Variants in KCNH5 observed in about 807,000 individuals in gnomAD.
KCNH5 encodes the protein voltage-gated delayed rectifier potassium channel KCNH5.
A neutral mutation model predicts 96.1 loss-of-function variants in KCNH5; 46 were observed. The observed-to-expected ratio is 0.48, with a 90% CI of 0.38 to 0.61. The LOEUF (loss-of-function observed/expected upper bound fraction) is 0.61, where lower values mean the gene tolerates loss of function less well. KCNH5 is among the 20% of genes least tolerant of loss of function. The pLI is 0.00. For missense variants in KCNH5, 907 were observed against 1,225.8 expected, an observed-to-expected ratio of 0.74 and a Z score of 3.88; for synonymous variants, 439 against 449.8, an observed-to-expected ratio of 0.98 and a Z score of 0.30.
At chr14:62,838,300 C>T (rs1887505138) in intron 8 of KCNH5, among the ~76,000 whole-genome samples, 1 of 152,114 alleles carries the variant, frequency 6.6e-6, no homozygotes, top group East Asian at 1.9e-4. Context: ...TCATCATATT[C>T]CAACTGCACT....
chr14:63,028,913 G>C (rs1250934237), intron 1 of KCNH5, among the ~76,000 whole-genome samples: 2 of 152,064 alleles, frequency 1.3e-5, no homozygotes, highest in Non-Finnish European at 2.9e-5. Flanking sequence ...ACAACTCAAA[G>C]AGCGTTTTTC....
intron 9 of KCNH5, among the ~76,000 whole-genome samples, chr14:62,786,866 C>T (rs1452147851): frequency 3.3e-5 from 5 of 152,072 alleles, no homozygotes; most frequent in Non-Finnish European, 5.9e-5. Flanking sequence ...AGATGGCAAA[C>T]TTAATCAATA....
At chr14:62,767,481 T>C (rs1316647682) in intron 10 of KCNH5, among the ~76,000 whole-genome samples, 1 of 152,174 alleles carries the variant, frequency 6.6e-6, no homozygotes, top group Non-Finnish European at 1.5e-5. Flanking sequence ...CACACTGGAA[T>C]ACTACACAGC....
intron 10 of KCNH5, among the ~76,000 whole-genome samples, chr14:62,737,291 C>T (rs553206724): frequency 6.6e-6 from 1 of 152,290 alleles, no homozygotes; most frequent in East Asian, 1.9e-4. Context: ...GAACATATAG[C>T]ATTTGGCACA....
chr14:62,907,807 G>A (rs1187969732), intron 7 of KCNH5, among the ~76,000 whole-genome samples: 6 of 152,146 alleles, frequency 3.9e-5, no homozygotes, highest in Non-Finnish European at 5.9e-5. Context: ...ACAAAGCAGA[G>A]CAGCATGTGC....
intron 10 of KCNH5, among the ~76,000 whole-genome samples, chr14:62,739,895 T>C (rs1885235999): frequency 6.6e-6 from 1 of 152,128 alleles, no homozygotes; most frequent in African/African-American, 2.4e-5. Context: ...TGGTATTTTA[T>C]AGCTAGGCAA....
intron 7 of KCNH5, among the ~76,000 whole-genome samples, chr14:62,933,848 G>A (rs1427616031): frequency 6.6e-6 from 1 of 152,140 alleles, no homozygotes. Flanking sequence ...AAAGAAGGCA[G>A]GAGAACCAGA....
intron 8 of KCNH5, among the ~76,000 whole-genome samples, chr14:62,803,121 A>C (rs543377762): frequency 2.0e-5 from 3 of 152,344 alleles, no homozygotes; most frequent in Non-Finnish European, 4.4e-5. Context: ...ACTGCACTCC[A>C]GCCTGAGTGA....
intron 10 of KCNH5, among the ~76,000 whole-genome samples, chr14:62,769,074 T>C (rs903204236): frequency 3.3e-4 from 50 of 152,344 alleles, no homozygotes; most frequent in African/African-American, 1.2e-3. Flanking sequence ...ATCAGTGGAA[T>C]TGGAGCCAGC....
intron 9 of KCNH5, among the ~76,000 whole-genome samples, chr14:62,784,312 C>T (rs1886278297): frequency 1.3e-5 from 2 of 152,138 alleles, no homozygotes; most frequent in African/African-American, 4.8e-5. Flanking sequence ...CTGCCCTTGA[C>T]ATGTAGGGAT....
At chr14:63,000,949 C>T (rs564760608) in intron 4 of KCNH5, among the ~76,000 whole-genome samples, 54 of 152,040 alleles carry the variant, frequency 3.6e-4, no homozygotes, top group Non-Finnish European at 7.1e-4. Flanking sequence ...GTGGCGCACA[C>T]CTATAGTCCC....
chr14:62,927,568 T>A (rs1889499823), intron 7 of KCNH5, among the ~76,000 whole-genome samples: 1 of 152,022 alleles, frequency 6.6e-6, no homozygotes, highest in Non-Finnish European at 1.5e-5. Context: ...AAAGGAAAAA[T>A]TTGACATATG....
At chr14:62,929,938 T>C (rs1455000442) in intron 7 of KCNH5, among the ~76,000 whole-genome samples, 1 of 152,106 alleles carries the variant, frequency 6.6e-6, no homozygotes, top group Non-Finnish European at 1.5e-5. Context: ...TCCAGCTCCA[T>C]CCAAGTTGCT....
intron 2 of KCNH5, among the ~76,000 whole-genome samples, chr14:63,008,798 T>G (rs564857993): frequency 6.6e-6 from 1 of 152,064 alleles, no homozygotes; most frequent in Non-Finnish European, 1.5e-5. Context: ...GAGAGTTTCA[T>G]AAAAATTGCT....
chr14:62,824,599 T>C lies in KCNH5; in HGVS notation c.1570-22018A>G, dbSNP rs577261735. Among the ~76,000 whole-genome samples, 125 of 152,262 alleles carry C rather than the reference T, an allele frequency of 8.2e-4. 1 individual carries two copies. Among genetic ancestry groups the C allele is most frequent in the African/African-American group, 2.8e-3 (117 of 41,580 alleles). ...AGTCCACAATTGTGAAGATTTATTT[T>C]TTATGATTATTACTTTATTCTTTTC... On this transcript the variant is annotated intron_variant, in intron 8 of 10. Transcript: ENST00000322893.
chr14:62,708,193 A>G lies in KCNH5; in HGVS notation c.2282T>C (p.Ile761Thr), dbSNP rs764103344. Residue 761 changes from isoleucine (I) to threonine (T), a missense_variant, in exon 11 of 11, where the codon ATT (isoleucine) becomes ACT (threonine). Around this residue, in one of 6 missense-constraint regions of KCNH5, gnomAD observed 362 missense variants for 394.4 expected, o/e 0.92. Transcript: ENST00000322893. ...TTTCACATAGGCCAGAGACGTCTGA[A>G]TGGGAGTAATCTGTGACACAGTCAC... is the stretch of plus-strand genomic sequence containing the variant. ...SVVTVSQITP[I>T]QTSLAYVKTS... is the part of the protein sequence containing the mutation. The G allele has an allele frequency of 1.2e-6, 2 of 1,614,176 alleles. No homozygotes were observed. The highest frequency in any genetic ancestry group is 1.7e-6 in the Non-Finnish European group (2 of 1,180,020).
chr14:62,763,487 C>T (rs1885796811), intron 10 of KCNH5, among the ~76,000 whole-genome samples: 1 of 151,994 alleles, frequency 6.6e-6, no homozygotes, highest in African/African-American at 2.4e-5. Context: ...ACTAGAAAAA[C>T]AAGAACAAAC....
chr14:62,783,111 T>C (rs989427553), intron 9 of KCNH5, among the ~76,000 whole-genome samples: 1 of 152,160 alleles, frequency 6.6e-6, no homozygotes, highest in Non-Finnish European at 1.5e-5. Flanking sequence ...GGAGGTTATA[T>C]AAGGTTATAT....
intron 1 of KCNH5, among the ~76,000 whole-genome samples, chr14:63,030,635 T>C (rs1243143798): frequency 6.6e-6 from 1 of 152,116 alleles, no homozygotes; most frequent in Non-Finnish European, 1.5e-5. Context: ...AGATTCTGTT[T>C]TAATTGGTCT....
Sources: gnomAD v4.1 joint callset for allele counts (sites outside exome capture counted in the v4.1 genomes callset) on GRCh38, gnomAD v4.1.1 for gene constraint, gnomAD v4.1.1 regional missense constraint, MANE v1.5 for transcripts, NCBI Gene and HGNC (gene_info 2026-07-23, HGNC 2026-07-21) for gene names.